Variants in TNFRSF9 observed in about 807,000 individuals in gnomAD.
TNFRSF9 encodes the protein TNF receptor superfamily member 9.
In TNFRSF9, 16 loss-of-function variants were observed where a neutral mutation model predicts 28.8. That is an observed-to-expected ratio of 0.55 (90% CI 0.38 to 0.84). TNFRSF9 has a LOEUF of 0.84. Ranked by LOEUF, TNFRSF9 falls within the 40% of genes least tolerant of loss-of-function variation. The pLI is 0.00. For missense variants in TNFRSF9, 303 were observed against 315.0 expected (o/e 0.96, Z 0.29); for synonymous variants, 131 against 117.0 (o/e 1.12, Z -0.77).
rs1354011448 is a variant in TNFRSF9, at chr1:7,918,530, C to T, written c.*2305G>A. On this transcript the variant is annotated 3_prime_UTR_variant, in exon 8 of 8. Coordinates refer to ENST00000377507, the MANE Select transcript of TNFRSF9 (RefSeq NM_001561.6). ...TTCAGGTGCACACCACCACACCCGG[C>T]TAATTTTTGTATTTTTTGTAAAGAC... is the stretch of plus-strand genomic sequence containing the variant. 6.6e-6 allele frequency: 1 copy of T among 152,066 alleles called. No homozygotes were observed. The highest frequency in any genetic ancestry group is 2.4e-5 in the African/African-American group (1 of 41,404). The allele number at this position is 152,066 out of a possible 1,614,324, so 9.4% of individuals were successfully genotyped here.
chr1:7,929,027 C>T (rs769515063), intron 7 of TNFRSF9, among the ~76,000 whole-genome samples: 9 of 152,134 alleles, frequency 5.9e-5, no homozygotes, highest in Non-Finnish European at 1.0e-4. Context: ...TGGCAGAAAC[C>T]ACAACCTTGC....
At chr1:7,935,335 T>C (rs923779906) in intron 5 of TNFRSF9, among the ~76,000 whole-genome samples, 192 bp from the exon 6 acceptor site, 1 of 152,224 alleles carries the variant, frequency 6.6e-6, no homozygotes, top group Non-Finnish European at 1.5e-5. Context: ...TTTCCATGGC[T>C]TCCTTCTGTT....
intron 6 of TNFRSF9, 60 bp from the exon 7 acceptor site, chr1:7,933,356 T>C: frequency 1.3e-6 from 2 of 1,541,264 alleles, no homozygotes; most frequent in Non-Finnish European, 1.8e-6. Context: ...CATACACCCA[T>C]GTATATATTT....
At position 7,938,839 on chromosome 1, in the gene TNFRSF9, C is replaced by T; in HGVS notation, c.101-11G>A. On this transcript the variant is annotated splice_polypyrimidine_tract_variant and intron_variant, in intron 2 of 7. Coordinates refer to ENST00000377507, the MANE Select transcript of TNFRSF9 (RefSeq NM_001561.6). Reference sequence around the variant, plus strand: ...TATCACAGAATGTACCTAAGAAAGGCAGACAATAGTGGTACACGTTTGACA... The same window carrying T: ...TATCACAGAATGTACCTAAGAAAGGTAGACAATAGTGGTACACGTTTGACA... The T allele has an allele frequency of 6.3e-7, 1 of 1,591,388 alleles. No homozygotes were observed. The highest frequency in any genetic ancestry group is 1.1e-5 in the South Asian group (1 of 90,200).
At position 7,935,125 on chromosome 1, in the gene TNFRSF9, C is replaced by T. The variant is rs541005362; in HGVS notation, c.432G>A (p.Lys144=). ...CCTTCGTCCCATTCACAAGCACAGA[C>T]TTTCCATCCAAAGAACAGCTTAGAC... ...RPWTNCSLDG[K]SVLVNGTKER... is the part of the protein sequence containing the mutation. The change falls in exon 6 of 8, where the codon AAG becomes AAA. Residue 144 remains lysine, a synonymous_variant. Transcript: ENST00000377507. 2.5e-6 allele frequency: 4 copies of T among 1,614,246 alleles called. No individual in the cohort carries two copies. Among genetic ancestry groups the T allele is most frequent in the South Asian group, 2.2e-5 (2 of 91,090 alleles).
rs1486598946 is a variant in TNFRSF9 at position 7,939,990 on chromosome 1, C to G, written c.5G>C (p.Gly2Ala). The G allele has an allele frequency of 1.9e-6, 3 of 1,588,878 alleles. No individual in the cohort carries two copies. The highest frequency in any genetic ancestry group is 3.3e-4 in the Middle Eastern group (2 of 5,976). ...GGCTACTATGTTGTAACAGCTGTTT[C>G]CCATGATGAAATCTGGCACAGGTAT... The part of the protein sequence containing the change: M[G>A]NSCYNIVATL... The change falls in exon 2 of 8, where the codon GGA becomes GCA. Residue 2 changes from glycine (G) to alanine (A), a missense_variant. Transcript: ENST00000377507.
chr1:7,937,775 G>C lies in TNFRSF9; in HGVS notation c.347-19C>G. The C allele has an allele frequency of 1.9e-6, 3 of 1,600,116 alleles. No individual in the cohort carries two copies. The South Asian group carries it at 3.3e-5, about 18-fold the overall frequency. On this transcript the variant is annotated intron_variant, in intron 4 of 7. Coordinates refer to ENST00000377507, the MANE Select transcript of TNFRSF9 (RefSeq NM_001561.6). ...TTACAACCTTGTATTAAAAATGAAAGCAATAATAAAAGGGAAGCATTTTCA... is the reference window on the plus strand; with the variant it reads ...TTACAACCTTGTATTAAAAATGAAACCAATAATAAAAGGGAAGCATTTTCA...
rs537264759 is a variant in TNFRSF9, at chr1:7,923,849, A to T, written c.680-2926T>A. ...CAAGCAAGACCCTGACTTCTAAAAA[A>T]TTTTTTTTTTACTTAGGCCTAAATC... On this transcript the variant is annotated intron_variant, in intron 7 of 7. Coordinates refer to ENST00000377507, the MANE Select transcript of TNFRSF9 (RefSeq NM_001561.6). 8.1e-4 allele frequency among the ~76,000 whole-genome samples: 122 copies of T among 150,996 alleles called. 1 individual carries two copies. Among genetic ancestry groups the T allele is most frequent in the Admixed American group, 2.1e-3 (32 of 15,098 alleles).
Position 7,938,706 on chromosome 1 carries a change from T to C in TNFRSF9, c.208+15A>G, listed in dbSNP as rs1424013240. The C allele has an allele frequency of 1.3e-6, 2 of 1,565,384 alleles. No individual in the cohort carries two copies. Among genetic ancestry groups the C allele is most frequent in the Non-Finnish European group, 1.7e-6 (2 of 1,144,136 alleles). On this transcript the variant is annotated intron_variant, in intron 3 of 7. Coordinates refer to ENST00000377507, the MANE Select transcript of TNFRSF9 (RefSeq NM_001561.6). Reference sequence around the variant, plus strand: ...AACTATCTTCTAGAAGAAGAAAATATCTTTGAACTCATACCTTTACACTGC... The same window carrying C: ...AACTATCTTCTAGAAGAAGAAAATACCTTTGAACTCATACCTTTACACTGC...
intron 6 of TNFRSF9, among the ~76,000 whole-genome samples, chr1:7,934,486 G>T (rs138952114): frequency 6.6e-6 from 1 of 152,036 alleles, no homozygotes; most frequent in Non-Finnish European, 1.5e-5. Context: ...CGAGGTGGGC[G>T]GATCATGCGG....
In TNFRSF9 at chr1:7,916,155, A is replaced by G. The variant is rs1639475927; in HGVS notation, c.*4680T>C. On this transcript the variant is annotated 3_prime_UTR_variant, in exon 8 of 8. Transcript: ENST00000377507. Reference sequence around the variant, plus strand: ...AAATTAAAACTTTCTTCTGAAAAAAACCTGAGCTTGTTTTTAGCATTTAGA... The same window carrying G: ...AAATTAAAACTTTCTTCTGAAAAAAGCCTGAGCTTGTTTTTAGCATTTAGA... 6.6e-6 allele frequency: 1 copy of G among 152,190 alleles called. No individual in the cohort carries two copies. The highest frequency in any genetic ancestry group is 6.5e-5 in the Admixed American group (1 of 15,272). The allele number at this position is 152,190 out of a possible 1,614,324, so 9.4% of individuals were successfully genotyped here.
intron 7 of TNFRSF9, among the ~76,000 whole-genome samples, chr1:7,927,730 G>GA (rs58915919): frequency 0.13 from 18,727 of 142,798 alleles, 1,213 homozygotes; most frequent in South Asian, 0.22. Flanking sequence ...AGAGATAGAG[G>GA]AAAAAAAAAA....
At chr1:7,939,251 C>T (rs1484040411) in intron 2 of TNFRSF9, among the ~76,000 whole-genome samples, 1 of 150,222 alleles carries the variant, frequency 6.7e-6, no homozygotes. Context: ...ACCTGGGAGG[C>T]CAAGGTTGCA....
In TNFRSF9 at chr1:7,918,004, G is replaced by T. The variant is rs975912211; in HGVS notation, c.*2831C>A. ...TATAGATAGATAGATAGATAGATAG[G>T]CAGAATTTCACTCTTGTCACCCAGT... On this transcript the variant is annotated 3_prime_UTR_variant, in exon 8 of 8. Transcript: ENST00000377507. The T allele has an allele frequency of 7.1e-6, 1 of 141,208 alleles. No individual in the cohort carries two copies. The highest frequency in any genetic ancestry group is 2.9e-5 in the African/African-American group (1 of 34,400). The allele number at this position is 141,208 out of a possible 1,614,324, so 8.7% of individuals were successfully genotyped here.
chr1:7,925,907 G>A (rs1639645208), intron 7 of TNFRSF9, among the ~76,000 whole-genome samples: 1 of 152,070 alleles, frequency 6.6e-6, no homozygotes, highest in Non-Finnish European at 1.5e-5. Context: ...CTCCTGCTGG[G>A]TGGCCTGGTT....
At position 7,917,293 on chromosome 1, in the gene TNFRSF9, A is replaced by C. The variant is rs1198552995; in HGVS notation, c.*3542T>G. ...GGGAGATGTCCTACCGGATATCGAG[A>C]GCTGTTACAAAGCTATTGTAATAAA... On this transcript the variant is annotated 3_prime_UTR_variant, in exon 8 of 8. Transcript: ENST00000377507. The C allele has an allele frequency of 6.6e-6, 1 of 152,250 alleles. No homozygotes were observed. Among genetic ancestry groups the C allele is most frequent in the Admixed American group, 6.5e-5 (1 of 15,270 alleles). 9.4% of individuals were successfully genotyped at this position (152,250 alleles called of 1,614,324 possible). A position where few individuals can be genotyped will look rare whatever the true frequency, so the allele number is the denominator to read the frequency against.
At chr1:7,922,897 C>CT (rs397863522) in intron 7 of TNFRSF9, among the ~76,000 whole-genome samples, 13,417 of 132,730 alleles carry the variant, frequency 0.1, 1,592 homozygotes, top group East Asian at 0.51. Flanking sequence ...CTACAAACTT[C>CT]TTTTTTTTTT....
At chr1:7,939,647 T>C (rs1409668753) in intron 2 of TNFRSF9, among the ~76,000 whole-genome samples, 1 of 152,222 alleles carries the variant, frequency 6.6e-6, no homozygotes, top group African/African-American at 2.4e-5. Flanking sequence ...AGCCCTTCAT[T>C]TGATCCTCCC....
In TNFRSF9 at chr1:7,918,577, G is replaced by T; in HGVS notation, c.*2258C>A. On this transcript the variant is annotated 3_prime_UTR_variant, in exon 8 of 8. Coordinates refer to ENST00000377507, the MANE Select transcript of TNFRSF9 (RefSeq NM_001561.6). Reference sequence around the variant, plus strand: ...AGACAGGGTTTCGCCATGTTGCCAAGGCTGGTCTCGAACTCCTGGGCTCAA... The same window carrying T: ...AGACAGGGTTTCGCCATGTTGCCAATGCTGGTCTCGAACTCCTGGGCTCAA... 6.6e-6 allele frequency: 1 copy of T among 152,220 alleles called. No homozygotes were observed. The highest frequency in any genetic ancestry group is 1.5e-5 in the Non-Finnish European group (1 of 68,060). The allele number at this position is 152,220 out of a possible 1,614,324, so 9.4% of individuals were successfully genotyped here. A position where few individuals can be genotyped will look rare whatever the true frequency, so the allele number is the denominator to read the frequency against.
Sources: gnomAD v4.1 joint callset for allele counts (sites outside exome capture counted in the v4.1 genomes callset) on GRCh38, gnomAD v4.1.1 for gene constraint, MANE v1.5 for transcripts, NCBI Gene and HGNC (gene_info 2026-07-23, HGNC 2026-07-21) for gene names.